The following AKAP9 variants were observed in gnomAD, a reference collection of about 807,000 sequenced individuals.
AKAP9 encodes the protein A-kinase anchor protein 9.
Under a neutral mutation model 488.5 loss-of-function variants are expected in AKAP9, and 311 were observed. The ratio of observed to expected loss-of-function variants is 0.64; its 90% confidence interval spans 0.58 to 0.70. The LOEUF is 0.70. AKAP9 is among the 30% of genes least tolerant of loss of function. The pLI is 0.00. For missense variants in AKAP9, 4,215 were observed against 4,374.5 expected, an observed-to-expected ratio of 0.96 and a Z score of 1.03; for synonymous variants, 1,462 against 1,483.5, an observed-to-expected ratio of 0.99 and a Z score of 0.33.
intron 7 of AKAP9, among the ~76,000 whole-genome samples, chr7:91,997,503 G>A (rs1008328637): frequency 2.6e-5 from 4 of 152,200 alleles, no homozygotes; most frequent in East Asian, 1.9e-4. Context: ...AAACAAGTGG[G>A]TAAATTAAGG....
chr7:92,075,191 A>G (rs1812380729), intron 28 of AKAP9, among the ~76,000 whole-genome samples: 1 of 152,178 alleles, frequency 6.6e-6, no homozygotes, highest in African/African-American at 2.4e-5. Context: ...GACCACACTG[A>G]ATAGCAAGGC....
chr7:92,074,617 G>A (rs781700856), intron 28 of AKAP9, among the ~76,000 whole-genome samples: 3 of 152,114 alleles, frequency 2.0e-5, no homozygotes, highest in Non-Finnish European at 4.4e-5. Context: ...CAACCCAAAT[G>A]TCCATTAATG....
chr7:92,109,064 A>G, intron 49 of AKAP9: 2 of 281,534 alleles, frequency 7.1e-6, no homozygotes, highest in Admixed American at 4.8e-5. Flanking sequence ...AAAAAAAAAA[A>G]AGAAAGTGGT....
At chr7:92,012,901 G>T (rs1800945828) in intron 9 of AKAP9, among the ~76,000 whole-genome samples, 1 of 151,170 alleles carries the variant, frequency 6.6e-6, no homozygotes, top group South Asian at 2.1e-4. Flanking sequence ...AGAATGGGAG[G>T]AGAAAGGAGA....
At chr7:91,996,037 C>G in intron 7 of AKAP9, 1 of 430,470 alleles carries the variant, frequency 2.3e-6, no homozygotes, top group Middle Eastern at 6.0e-4. Context: ...CAGGAAAATA[C>G]AAATTTATAG....
At chr7:92,102,441 T>C (rs1293035257) in intron 45 of AKAP9, 153 bp from the exon 46 acceptor site, 22 of 563,050 alleles carry the variant, frequency 3.9e-5, no homozygotes, top group Non-Finnish European at 6.5e-5. Context: ...AACCTGCCGT[T>C]TTACTATTAC....
At position 92,097,323 on chromosome 7, in the gene AKAP9, A is replaced by G; in HGVS notation, c.10364A>G (p.Glu3455Gly). ...GAACTAGAACGAGAAGAAAAACGAG[A>G]AAGTAGAAGAATTCTGTATCAGAAC... ...KQELEREEKR[E>G]SRRILYQNLN... The change falls in exon 41 of 50, where the codon GAA becomes GGA. Residue 3455 changes from glutamate (E) to glycine (G), a missense_variant. By Grantham distance (98) the Glu-to-Gly change is moderately conservative (BLOSUM62 -2). Coordinates refer to ENST00000356239, the MANE Select transcript of AKAP9 (RefSeq NM_005751.5). 1 of 1,613,720 alleles carries G rather than the reference A, an allele frequency of 6.2e-7. No homozygotes were observed. The highest frequency in any genetic ancestry group is 8.5e-7 in the Non-Finnish European group (1 of 1,179,928).
At chr7:92,040,395 C>G (rs1046020747) in intron 17 of AKAP9, among the ~76,000 whole-genome samples, 21 of 151,770 alleles carry the variant, frequency 1.4e-4, no homozygotes, top group Admixed American at 1.3e-3. Flanking sequence ...TATCTTAGTT[C>G]TTTTTTTTCT....
intron 1 of AKAP9, among the ~76,000 whole-genome samples, chr7:91,947,235 C>A (rs1584519681): frequency 6.6e-6 from 1 of 151,700 alleles, no homozygotes; most frequent in African/African-American, 2.4e-5. Context: ...ATACTGCTAT[C>A]TGGTCTGGTA....
At chr7:91,966,144 G>A (rs1253097202) in intron 1 of AKAP9, among the ~76,000 whole-genome samples, 6 of 151,800 alleles carry the variant, frequency 4.0e-5, no homozygotes, top group Admixed American at 1.3e-4. Flanking sequence ...CTCCTGCCTC[G>A]GCCTCCCATG....
Position 92,009,655 on chromosome 7 carries a change from T to A in AKAP9, c.3319-2774T>A, listed in dbSNP as rs553519147. 2.0e-5 allele frequency among the ~76,000 whole-genome samples: 3 copies of A among 152,292 alleles called. No individual in the cohort carries two copies. The South Asian group carries it at 6.2e-4, about 32-fold the overall frequency. On this transcript the variant is annotated intron_variant, in intron 8 of 49. Transcript: ENST00000356239. ...GCTAGACAAAAGAAAAACCCAGTTA[T>A]CTAATGAGACTGGTACAATATTGAT...
chr7:91,966,840 T>C (rs992625418), intron 1 of AKAP9, among the ~76,000 whole-genome samples: 3 of 152,204 alleles, frequency 2.0e-5, no homozygotes, highest in African/African-American at 4.8e-5. Flanking sequence ...AATTTTAAGA[T>C]TGTTTTTTCT....
intron 11 of AKAP9, 141 bp downstream of exon 11, chr7:92,016,408 G>T (rs1801516523): frequency 3.2e-6 from 2 of 628,646 alleles, no homozygotes. Context: ...TCAGATTCAT[G>T]AAATCTCATA....
rs148333704 is a variant in AKAP9 at position 91,976,263 on chromosome 7, C to T, written c.306+2295C>T. On this transcript the variant is annotated intron_variant, in intron 2 of 49. Transcript: ENST00000356239. Reference sequence around the variant, plus strand: ...TTTTGAGACAGGATCTCACTCTCGTCCAGGATGGCATGCAGTGGTGCAATC... The same window carrying T: ...TTTTGAGACAGGATCTCACTCTCGTTCAGGATGGCATGCAGTGGTGCAATC... Among the ~76,000 whole-genome samples, 849 of 152,142 alleles carry T rather than the reference C, an allele frequency of 5.6e-3. 6 individuals are homozygous for T. Among genetic ancestry groups the T allele is most frequent in the Middle Eastern group, 0.014 (4 of 294 alleles).
chr7:92,002,557 C>T lies in AKAP9; in HGVS notation c.2640C>T (p.Asp880=), dbSNP rs1799303998. The stretch of plus-strand genomic sequence containing the variant: ...TCAAAGTAAAAGATGATTTAGAAGA[C>T]AGTAAAAATAAACAGGAATTAGAGT... ...CLLKVKDDLE[D]SKNKQELEYK... The change falls in exon 8 of 50, where the codon GAC becomes GAT. Residue 880 remains aspartate, a synonymous_variant. Transcript: ENST00000356239. 1 of 1,609,218 alleles carries T rather than the reference C, an allele frequency of 6.2e-7. No individual in the cohort carries two copies. Among genetic ancestry groups the T allele is most frequent in the Non-Finnish European group, 8.5e-7 (1 of 1,178,098 alleles).
intron 46 of AKAP9, among the ~76,000 whole-genome samples, chr7:92,103,187 G>A (rs796103187): frequency 1.3e-5 from 2 of 151,806 alleles, no homozygotes; most frequent in Middle Eastern, 3.2e-3. Flanking sequence ...TCAGGAGATC[G>A]AGACCAGCCT....
At chr7:91,982,632 A>C (rs925879972) in intron 3 of AKAP9, among the ~76,000 whole-genome samples, 1 of 152,224 alleles carries the variant, frequency 6.6e-6, no homozygotes, top group African/African-American at 2.4e-5. Flanking sequence ...TGCTGTTGTG[A>C]ATAGTGCCAC....
chr7:91,966,718 C>A (rs1345840625), intron 1 of AKAP9, among the ~76,000 whole-genome samples: 2 of 152,096 alleles, frequency 1.3e-5, no homozygotes, highest in Admixed American at 1.3e-4. Flanking sequence ...ATGCCAAGAC[C>A]ATGCTGATTT....
At chr7:92,081,519 C>T (rs1813581104) in intron 31 of AKAP9, among the ~76,000 whole-genome samples, 1 of 132,856 alleles carries the variant, frequency 7.5e-6, no homozygotes. Flanking sequence ...TTAGTAGAGA[C>T]GAGGTTTCTC....
Sources: gnomAD v4.1 joint callset for allele counts (sites outside exome capture counted in the v4.1 genomes callset) on GRCh38, gnomAD v4.1.1 for gene constraint, MANE v1.5 for transcripts, NCBI Gene and HGNC (gene_info 2026-07-23, HGNC 2026-07-21) for gene names.